ARHGAP42: variants seen among roughly 807,000 people sequenced by gnomAD.
ARHGAP42 encodes rho GTPase-activating protein 42.
A neutral mutation model predicts 125.0 loss-of-function variants in ARHGAP42; 63 were observed. The observed-to-expected ratio is 0.50, with a 90% CI of 0.41 to 0.62. ARHGAP42 has a LOEUF of 0.62. Among genes scored for constraint, ARHGAP42 ranks in the 20% least tolerant of loss-of-function variants. The pLI is 0.00. For missense variants in ARHGAP42, 766 were observed against 1,024.2 expected, an observed-to-expected ratio of 0.75 and a Z score of 3.44; for synonymous variants, 339 against 351.0, an observed-to-expected ratio of 0.97 and a Z score of 0.38.
At chr11:100,688,707 G>A (rs888870723) in intron 1 of ARHGAP42, among the ~76,000 whole-genome samples, 2 of 152,048 alleles carry the variant, frequency 1.3e-5, no homozygotes, top group Non-Finnish European at 2.9e-5. Flanking sequence ...GGAGGTATTT[G>A]CATCTTTTAA....
chr11:100,927,344 G>A (rs915536733), intron 6 of ARHGAP42, among the ~76,000 whole-genome samples: 8 of 152,044 alleles, frequency 5.3e-5, no homozygotes, highest in African/African-American at 1.9e-4. Context: ...AATAAGGTTA[G>A]CATCATTGTT....
intron 1 of ARHGAP42, among the ~76,000 whole-genome samples, chr11:100,721,099 G>C (rs1591127154): frequency 1.3e-5 from 2 of 152,094 alleles, no homozygotes; most frequent in East Asian, 3.9e-4. Context: ...AACCAATATT[G>C]ATACATTATT....
At chr11:100,923,141 C>A (rs547891066) in intron 6 of ARHGAP42, among the ~76,000 whole-genome samples, 4 of 152,272 alleles carry the variant, frequency 2.6e-5, no homozygotes, top group African/African-American at 9.6e-5. Flanking sequence ...ATGACCACTA[C>A]TTATGGTTCC....
chr11:100,939,666 A>G (rs1307792994), intron 8 of ARHGAP42, among the ~76,000 whole-genome samples: 1 of 152,210 alleles, frequency 6.6e-6, no homozygotes, highest in Non-Finnish European at 1.5e-5. Context: ...TAAAATAATT[A>G]AACATCTTTT....
At chr11:100,880,310 A>G (rs1191733515) in intron 4 of ARHGAP42, among the ~76,000 whole-genome samples, 3 of 152,048 alleles carry the variant, frequency 2.0e-5, no homozygotes, top group African/African-American at 7.2e-5. Flanking sequence ...ACGCCTTTGC[A>G]TCCTCATAGC....
chr11:100,876,129 TTGA>T (rs1163564909), intron 4 of ARHGAP42, among the ~76,000 whole-genome samples: 7 of 152,242 alleles, frequency 4.6e-5, no homozygotes. Context: ...TAACATGTGT[TTGA>T]TAATTTGGCT....
intron 4 of ARHGAP42, among the ~76,000 whole-genome samples, chr11:100,906,768 G>A (rs1866749226): frequency 6.6e-6 from 1 of 152,006 alleles, no homozygotes; most frequent in South Asian, 2.1e-4. Context: ...TGTAAATTAT[G>A]TTGTTTTATG....
intron 1 of ARHGAP42, among the ~76,000 whole-genome samples, chr11:100,698,057 A>C (rs1009287910): frequency 6.6e-6 from 1 of 152,214 alleles, no homozygotes; most frequent in Admixed American, 6.5e-5. Context: ...TTTTTAAATT[A>C]AAAATTAATT....
intron 6 of ARHGAP42, among the ~76,000 whole-genome samples, chr11:100,924,866 T>TG (rs2135249030): frequency 6.6e-6 from 1 of 152,138 alleles, no homozygotes; most frequent in African/African-American, 2.4e-5. Context: ...GTCGCCCTGT[T>TG]GCCCAGGCTG....
At position 100,931,583 on chromosome 11, in the gene ARHGAP42, G is replaced by GTATA. The variant is rs781741733; in HGVS notation, c.598-1572_598-1569dup. Among the ~76,000 whole-genome samples, 14 of 152,226 alleles carry GTATA rather than the reference G, an allele frequency of 9.2e-5. No individual in the cohort carries two copies. In the South Asian group the frequency reaches 2.3e-3, roughly 25 times the overall value. ...ATGATTTCAAAGTAGCACCTGCTTTGTATAGCATCCAGTTTGTAATGAGAC... is the reference window on the plus strand; with the variant it reads ...ATGATTTCAAAGTAGCACCTGCTTTGTATATATAGCATCCAGTTTGTAATGAGAC... On this transcript the variant is annotated intron_variant, in intron 6 of 23. Coordinates refer to ENST00000298815, the MANE Select transcript of ARHGAP42 (RefSeq NM_152432.4).
chr11:100,709,287 G>A (rs540524240), intron 1 of ARHGAP42, among the ~76,000 whole-genome samples: 1 of 152,056 alleles, frequency 6.6e-6, no homozygotes, highest in East Asian at 1.9e-4. Context: ...TGATCTGCCC[G>A]CCTTGGCCTC....
intron 2 of ARHGAP42, among the ~76,000 whole-genome samples, chr11:100,790,106 T>G (rs1170386949): frequency 6.6e-6 from 1 of 152,230 alleles, no homozygotes; most frequent in East Asian, 1.9e-4. Flanking sequence ...TCTCTCATTC[T>G]ACTTTTAGAC....
In ARHGAP42 at chr11:100,785,854, G is replaced by C. The variant is rs183006922; in HGVS notation, c.251-9251G>C. Reference sequence around the variant, plus strand: ...CCTCCTGTAATGTAGCAGGATACAGGCTGGCACTACTTTTTAATTTTTTCC... The same window carrying C: ...CCTCCTGTAATGTAGCAGGATACAGCCTGGCACTACTTTTTAATTTTTTCC... On this transcript the variant is annotated intron_variant, in intron 2 of 23. Transcript: ENST00000298815. 3.8e-3 allele frequency among the ~76,000 whole-genome samples: 575 copies of C among 152,284 alleles called. 3 individuals carry two copies. Among genetic ancestry groups the C allele is most frequent in the Non-Finnish European group, 4.3e-3 (291 of 68,018 alleles).
intron 6 of ARHGAP42, among the ~76,000 whole-genome samples, chr11:100,932,112 G>A (rs1867596203): frequency 6.6e-6 from 1 of 152,136 alleles, no homozygotes; most frequent in Non-Finnish European, 1.5e-5. Flanking sequence ...AAAGCATGAG[G>A]TCATTGTTTT....
At chr11:100,829,577 C>T (rs1022572737) in intron 3 of ARHGAP42, among the ~76,000 whole-genome samples, 3 of 152,180 alleles carry the variant, frequency 2.0e-5, no homozygotes, top group Non-Finnish European at 2.9e-5. Context: ...TCAGTGACTC[C>T]TCCTCTGCCC....
chr11:100,933,894 T>TC, intron 7 of ARHGAP42, among the ~76,000 whole-genome samples: 1 of 152,034 alleles, frequency 6.6e-6, no homozygotes, highest in East Asian at 1.9e-4. Context: ...TTCAAGCAAT[T>TC]CTCCTGCCTC....
chr11:100,762,559 T>C (rs1045433452), intron 1 of ARHGAP42, among the ~76,000 whole-genome samples: 1 of 152,240 alleles, frequency 6.6e-6, no homozygotes, highest in African/African-American at 2.4e-5. Flanking sequence ...TTCTGGGCCC[T>C]CTTAATGAAG....
In ARHGAP42 at chr11:100,910,086, A is replaced by G. The variant is rs76368813; in HGVS notation, c.385-3366A>G. ...AGAATAAATGCAGTGTAGATTAGAA[A>G]GCCAACTGATTGCAGACCCAAATGT... On this transcript the variant is annotated intron_variant, in intron 4 of 23. Coordinates refer to ENST00000298815, the MANE Select transcript of ARHGAP42 (RefSeq NM_152432.4). 1.6e-3 allele frequency among the ~76,000 whole-genome samples: 245 copies of G among 151,714 alleles called. 6 individuals are homozygous for G. The East Asian group carries it at 0.042, about 26-fold the overall frequency.
At chr11:100,715,694 GC>G (rs1315213531) in intron 1 of ARHGAP42, among the ~76,000 whole-genome samples, 1 of 152,174 alleles carries the variant, frequency 6.6e-6, no homozygotes, top group Non-Finnish European at 1.5e-5. Context: ...TGATACTGGT[GC>G]ATAGTATTGG....
Sources: allele counts gnomAD v4.1 joint callset (sites outside exome capture counted in the v4.1 genomes callset), GRCh38; gene constraint gnomAD v4.1.1; transcripts MANE v1.5; gene names NCBI Gene and HGNC (gene_info 2026-07-23, HGNC 2026-07-21).